The following ERAP2 variants were observed in gnomAD, a reference collection of about 807,000 sequenced individuals.
The protein encoded by ERAP2 is endoplasmic reticulum aminopeptidase 2.
ERAP2 carries 118 observed loss-of-function variants against 111.1 expected under a neutral mutation model. That is an observed-to-expected ratio of 1.06 (90% CI 0.92 to 1.24). The LOEUF (loss-of-function observed/expected upper bound fraction) is 1.24. ERAP2 is among the 50% of genes most tolerant of loss of function. ERAP2 has a pLI of 0.00. For missense variants in ERAP2, 1,131 were observed against 1,125.8 expected (o/e 1.00, Z -0.07); for synonymous variants, 410 against 401.2 (o/e 1.02, Z -0.26).
chr5:96,900,024 T>C (rs1020176576), intron 9 of ERAP2, 97 bp from the exon 10 acceptor site: 3 of 1,373,362 alleles, frequency 2.2e-6, no homozygotes, highest in Non-Finnish European at 2.0e-6. Context: ...TTATTTCATA[T>C]AGCTCTTTTA....
Position 96,917,486 on chromosome 5 carries a change from G to C in ERAP2, c.2764G>C (p.Glu922Gln). The C allele has an allele frequency of 6.2e-7, 1 of 1,606,560 alleles. No homozygotes were observed. Among genetic ancestry groups the C allele is most frequent in the Non-Finnish European group, 8.5e-7 (1 of 1,176,060 alleles). ...QEVKLFFESLEAQGSHLDIFQ... is the reference protein window; with the variant it reads ...QEVKLFFESLQAQGSHLDIFQ... ...GGTGAAACTATTTTTTGAATCTCTT[G>C]AGGCTCAAGGATCACATCTGGATAT... is the stretch of plus-strand genomic sequence containing the variant. Residue 922 changes from glutamate (E) to glutamine (Q), a missense_variant, in exon 19 of 19, where the codon GAG (glutamate) becomes CAG (glutamine). Physicochemically the swap from Glu to Gln is conservative, Grantham distance 29. Transcript: ENST00000437043.
chr5:96,916,235 CA>C (rs1314107334), intron 18 of ERAP2, among the ~76,000 whole-genome samples: 1 of 112,504 alleles, frequency 8.9e-6, no homozygotes, highest in Non-Finnish European at 2.0e-5. Flanking sequence ...AAACAAAAAA[CA>C]AAAACAAAAA....
At chr5:96,878,725 C>T (rs758660803) in intron 1 of ERAP2, among the ~76,000 whole-genome samples, 1 of 151,972 alleles carries the variant, frequency 6.6e-6, no homozygotes, top group African/African-American at 2.4e-5. Context: ...GTCAGGAGTT[C>T]GAGACTAGCC....
chr5:96,898,167 G>A (rs1199367878), intron 9 of ERAP2, among the ~76,000 whole-genome samples: 1 of 152,086 alleles, frequency 6.6e-6, no homozygotes, highest in Non-Finnish European at 1.5e-5. Flanking sequence ...CTGCACTCCA[G>A]CCTGGGTGAC....
At chr5:96,896,237 C>A in intron 7 of ERAP2, 136 bp from the exon 8 acceptor site, 1 of 648,562 alleles carries the variant, frequency 1.5e-6, no homozygotes, top group Non-Finnish European at 2.5e-6. Flanking sequence ...GGAATACATA[C>A]AAGAAAAGAA....
chr5:96,913,421 A>AT lies in ERAP2; in HGVS notation c.2625dup (p.Val876CysfsTer13). ...CCAAAGGGGCAGCAACTAGCATGGG[A>AT]TTTTGTAAGAGAAAATTGGACCCAT... On this transcript the variant is annotated frameshift_variant, in exon 17 of 19. Coordinates refer to ENST00000437043, the MANE Select transcript of ERAP2 (RefSeq NM_022350.5). LOFTEE classifies it high-confidence loss of function. The AT allele has an allele frequency of 6.2e-7, 1 of 1,614,140 alleles. No homozygotes were observed. The highest frequency in any genetic ancestry group is 8.5e-7 in the Non-Finnish European group (1 of 1,180,004).
At position 96,880,010 on chromosome 5, in the gene ERAP2, A is replaced by G; in HGVS notation, c.325A>G (p.Ile109Val). The G allele has an allele frequency of 6.2e-7, 1 of 1,614,184 alleles. No individual in the cohort carries two copies. The highest frequency in any genetic ancestry group is 1.3e-5 in the African/African-American group (1 of 75,060). Residue 109 changes from isoleucine to valine, a missense_variant, in exon 2 of 19, where the codon ATC becomes GTC. By Grantham distance (29) the Ile-to-Val change is conservative. Transcript: ENST00000437043. ...VLVSNATQFI[I>V]LHSKDLEITN... ...GGTCAGCAATGCTACCCAGTTTATC[A>G]TCTTGCACAGCAAAGATCTTGAAAT...
intron 16 of ERAP2, 144 bp downstream of exon 16, chr5:96,912,942 T>C (rs1786964481): frequency 1.5e-6 from 1 of 669,294 alleles, no homozygotes; most frequent in African/African-American, 1.9e-5. Flanking sequence ...CAGAAAAGAA[T>C]ATATTGACAA....
At chr5:96,909,478 G>A (rs939502753) in intron 14 of ERAP2, 102 bp from the exon 15 acceptor site, 126 of 876,636 alleles carry the variant, frequency 1.4e-4, no homozygotes, top group African/African-American at 1.3e-4. Context: ...GGGAAAGATT[G>A]GGAAAGATGC....
At chr5:96,888,945 T>C (rs184608276) in intron 4 of ERAP2, among the ~76,000 whole-genome samples, 1 of 152,358 alleles carries the variant, frequency 6.6e-6, no homozygotes, top group Admixed American at 6.5e-5. Context: ...ATTTGAAAGT[T>C]ACAGATGAGC....
chr5:96,910,740 G>T lies in ERAP2; in HGVS notation c.2354+976G>T, dbSNP rs566313910. On this transcript the variant is annotated intron_variant, in intron 15 of 18. Transcript: ENST00000437043. Reference sequence around the variant, plus strand: ...AAAAATATGTGATTAAATATTGTTGGTTTTTTCTAAACTCCAAGATTGCTA... The same window carrying T: ...AAAAATATGTGATTAAATATTGTTGTTTTTTTCTAAACTCCAAGATTGCTA... Among the ~76,000 whole-genome samples the T allele has an allele frequency of 2.1e-4, 32 of 152,236 alleles. 1 individual carries two copies. In the South Asian group the frequency reaches 6.4e-3, roughly 31 times the overall value.
chr5:96,880,038 C>T lies in ERAP2; in HGVS notation c.353C>T (p.Thr118Met), dbSNP rs765310341. The T allele has an allele frequency of 6.2e-6, 10 of 1,613,976 alleles. No individual in the cohort carries two copies. Among genetic ancestry groups the T allele is most frequent in the South Asian group, 4.4e-5 (4 of 91,086 alleles). Residue 118 changes from threonine (T) to methionine (M), a missense_variant, in exon 2 of 19, where the codon ACG (threonine) becomes ATG (methionine). Around this residue, in one of 3 missense-constraint regions of ERAP2, gnomAD observed 847 missense variants for 856.5 expected, o/e 0.99. Transcript: ENST00000437043. The part of the protein sequence containing the change: ...IILHSKDLEI[T>M]NATLQSEEDS... ...TTGCACAGCAAAGATCTTGAAATCACGAATGCCACCCTTCAGTCAGAGGAA... is the reference window on the plus strand; with the variant it reads ...TTGCACAGCAAAGATCTTGAAATCATGAATGCCACCCTTCAGTCAGAGGAA...
intron 17 of ERAP2, among the ~76,000 whole-genome samples, chr5:96,914,148 T>TCTCTCACACACACACACACACA (rs34158080): frequency 3.0e-4 from 45 of 148,082 alleles, no homozygotes; most frequent in African/African-American, 1.0e-3. Context: ...TCTCTCTCTC[T>TCTCTCACACACACACACACACA]CACACACACA....
chr5:96,917,098 C>T (rs867404922), intron 18 of ERAP2, among the ~76,000 whole-genome samples: 7 of 152,192 alleles, frequency 4.6e-5, no homozygotes, highest in African/African-American at 1.2e-4. Flanking sequence ...TTTTGGAAGA[C>T]GAAGTGGTTT....
At chr5:96,876,026 G>A (rs17087114), upstream of ERAP2, 1 of 152,410 alleles carries the variant, frequency 6.6e-6, no homozygotes, top group Non-Finnish European at 1.5e-5. Context: ...GGTGGTTACA[G>A]ACATGGAAAA....
Position 96,885,763 on chromosome 5 carries a change from G to T in ERAP2, c.715-892G>T, listed in dbSNP as rs117848512. ...TGAAGAAAATGTTTTCAGATTATTGGATCTGTATCCATTCAGTATTTGGGG... is the reference window on the plus strand; with the variant it reads ...TGAAGAAAATGTTTTCAGATTATTGTATCTGTATCCATTCAGTATTTGGGG... On this transcript the variant is annotated intron_variant, in intron 3 of 18. Coordinates refer to ENST00000437043, the MANE Select transcript of ERAP2 (RefSeq NM_022350.5). 1.9e-4 allele frequency among the ~76,000 whole-genome samples: 29 copies of T among 152,282 alleles called. 1 individual carries two copies. In the East Asian group the frequency reaches 5.6e-3, roughly 29 times the overall value.
chr5:96,877,355 G>T (rs531291844), intron 1 of ERAP2, among the ~76,000 whole-genome samples: 22 of 152,338 alleles, frequency 1.4e-4, no homozygotes, highest in African/African-American at 5.1e-4. Context: ...AAGACTGTGT[G>T]AGTAAAGCTT....
intron 13 of ERAP2, among the ~76,000 whole-genome samples, chr5:96,907,787 G>A (rs1208474639): frequency 2.0e-5 from 3 of 152,024 alleles, no homozygotes; most frequent in Non-Finnish European, 4.4e-5. Context: ...GGAGGCTGAG[G>A]CAGGAGAATT....
At chr5:96,901,863 A>G (rs1785508698) in intron 11 of ERAP2, among the ~76,000 whole-genome samples, 182 bp downstream of exon 11, 1 of 152,222 alleles carries the variant, frequency 6.6e-6, no homozygotes, top group African/African-American at 2.4e-5. Flanking sequence ...TTTGTTCAGG[A>G]GCACCATTCT....
Sources: allele counts gnomAD v4.1 joint callset (sites outside exome capture counted in the v4.1 genomes callset), GRCh38; gene constraint gnomAD v4.1.1; regional missense constraint gnomAD v4.1.1; transcripts MANE v1.5; gene names NCBI Gene and HGNC (gene_info 2026-07-23, HGNC 2026-07-21).